Variants in HECTD2 observed in about 807,000 individuals in gnomAD.
HECTD2 encodes HECT domain E3 ubiquitin protein ligase 2, also known as probable E3 ubiquitin-protein ligase HECTD2.
In HECTD2, 35 loss-of-function variants were observed where a neutral mutation model predicts 103.2. The ratio of observed to expected loss-of-function variants is 0.34; its 90% CI spans 0.26 to 0.45. The LOEUF is 0.45. HECTD2 is among the 20% of genes least tolerant of loss of function. The pLI is 1.00. For missense variants in HECTD2, 596 were observed against 937.4 expected, an observed-to-expected ratio of 0.64 and a Z score of 4.76; for synonymous variants, 281 against 329.9, an observed-to-expected ratio of 0.85 and a Z score of 1.61.
At position 91,487,628 on chromosome 10, in the gene HECTD2, A is replaced by C; in HGVS notation, c.1095-54A>C. The C allele has an allele frequency of 9.1e-7, 1 of 1,097,504 alleles. No individual in the cohort carries two copies. The highest frequency in any genetic ancestry group is 1.4e-6 in the Non-Finnish European group (1 of 708,536). 68.0% of individuals were successfully genotyped at this position (1,097,504 alleles called of 1,614,324 possible). ...GGGGTACCTTAGATTCCCTTAGTAT[A>C]ATTTTGTTAAAAATACACCATTTTG... is the stretch of plus-strand genomic sequence containing the variant. On this transcript the variant is annotated intron_variant, in intron 10 of 20. Coordinates refer to ENST00000298068, the MANE Select transcript of HECTD2 (RefSeq NM_182765.6). This position sits in a 1 kb window ranked among gnomAD's most constrained non-coding sequence, Gnocchi z 4.1.
chr10:91,484,137 G>C (rs762955604), intron 8 of HECTD2: 2 of 527,668 alleles, frequency 3.8e-6, no homozygotes, highest in South Asian at 5.0e-5. Context: ...CATGTCAGGA[G>C]ACTAACATCT....
At chr10:91,491,172 A>G in intron 11 of HECTD2, 28 bp from the exon 12 acceptor site, 3 of 1,197,064 alleles carry the variant, frequency 2.5e-6, no homozygotes, top group East Asian at 2.4e-5. Flanking sequence ...AAGTAAAAGC[A>G]AAACTGTTTA....
chr10:91,480,076 C>T (rs1201394404), intron 6 of HECTD2, among the ~76,000 whole-genome samples: 2 of 151,914 alleles, frequency 1.3e-5, no homozygotes, highest in African/African-American at 4.8e-5. Flanking sequence ...AGTTACTAGA[C>T]TCAAAAAGAT....
At chr10:91,485,929 A>G (rs112258937) in intron 10 of HECTD2, 8 of 152,230 alleles carry the variant, frequency 5.3e-5, no homozygotes, top group African/African-American at 1.9e-4. Context: ...ACCACAGCTT[A>G]TTTATTATAA....
intron 14 of HECTD2, among the ~76,000 whole-genome samples, chr10:91,495,400 T>G (rs1364181939): frequency 6.6e-6 from 1 of 152,056 alleles, no homozygotes; most frequent in East Asian, 1.9e-4. Flanking sequence ...CTTAGCAAAT[T>G]GAAATTTTGG....
chr10:91,470,077 C>G (rs1360110239), intron 5 of HECTD2, among the ~76,000 whole-genome samples: 1 of 152,104 alleles, frequency 6.6e-6, no homozygotes, highest in Non-Finnish European at 1.5e-5. Context: ...AAAGGAACTT[C>G]TTAGAGATCT....
At chr10:91,457,989 T>G (rs1262911810) in intron 2 of HECTD2, among the ~76,000 whole-genome samples, 1 of 149,866 alleles carries the variant, frequency 6.7e-6, no homozygotes, top group African/African-American at 2.5e-5. Flanking sequence ...GAAATAAGAC[T>G]TTCCCTATTT....
chr10:91,417,770 G>A (rs1837013243), intron 1 of HECTD2, among the ~76,000 whole-genome samples: 4 of 151,952 alleles, frequency 2.6e-5, no homozygotes, highest in Non-Finnish European at 5.9e-5. Flanking sequence ...TATCATTGTT[G>A]GACATTTGGG....
At chr10:91,484,722 A>C in intron 9 of HECTD2, 67 bp downstream of exon 9, 1 of 1,269,032 alleles carries the variant, frequency 7.9e-7, no homozygotes, top group Non-Finnish European at 1.1e-6. Flanking sequence ...TTTCTTAAGG[A>C]TTTCAAAAGA....
intron 2 of HECTD2, among the ~76,000 whole-genome samples, chr10:91,425,699 A>G (rs1843531458): frequency 6.6e-6 from 1 of 151,108 alleles, no homozygotes; most frequent in South Asian, 2.1e-4. Context: ...AAATGTATGT[A>G]TACAAATATG....
Position 91,487,401 on chromosome 10 carries a change from A to T in HECTD2, c.1095-281A>T. 5.2e-6 allele frequency: 2 copies of T among 382,908 alleles called. No individual in the cohort carries two copies. Among genetic ancestry groups the T allele is most frequent in the South Asian group, 4.8e-5 (2 of 41,538 alleles). 23.7% of individuals were successfully genotyped at this position (382,908 alleles called of 1,614,324 possible). ...TGTTGTTCACAGGTGATGATATACA[A>T]TGAAATTATTTGTATAGACAATGTA... On this transcript the variant is annotated intron_variant, in intron 10 of 20. Coordinates refer to ENST00000298068, the MANE Select transcript of HECTD2 (RefSeq NM_182765.6). The surrounding 1 kb of genome is among the most constrained non-coding windows in gnomAD (Gnocchi z 4.1).
intron 5 of HECTD2, among the ~76,000 whole-genome samples, chr10:91,468,939 C>CAAA (rs375935105): frequency 0.013 from 1,297 of 98,346 alleles, 46 homozygotes; most frequent in African/African-American, 0.044. Context: ...CTGTCTCACT[C>CAAA]AAAAAAAAAA....
intron 2 of HECTD2, among the ~76,000 whole-genome samples, chr10:91,432,784 C>T (rs746996761): frequency 4.6e-5 from 7 of 151,800 alleles, no homozygotes; most frequent in African/African-American, 7.3e-5. Context: ...TTTAGTAGAA[C>T]CTTGATATGA....
rs1408944269 is a variant in HECTD2 at position 91,461,330 on chromosome 10, T to C, written c.484T>C (p.Phe162Leu). The part of the protein sequence containing the change: ...HDFYLTTFDS[F>L]PELNAAFKKD... ...TTTTTATCTAACAACGTTTGATTCTTTCCCAGAATTAAATGCTGCATTTAA... is the reference window on the plus strand; with the variant it reads ...TTTTTATCTAACAACGTTTGATTCTCTCCCAGAATTAAATGCTGCATTTAA... The change falls in exon 4 of 21, where the codon TTC becomes CTC. Residue 162 changes from phenylalanine (F) to leucine (L), a missense_variant. Physicochemically the swap from Phe to Leu is conservative, Grantham distance 22. Around this residue, in one of 4 missense-constraint regions of HECTD2, gnomAD observed 220 missense variants for 233.9 expected, o/e 0.94. Transcript: ENST00000298068. The C allele has an allele frequency of 2.0e-6, 3 of 1,525,458 alleles. No individual in the cohort carries two copies. The highest frequency in any genetic ancestry group is 2.7e-6 in the Non-Finnish European group (3 of 1,124,360). 94.5% of individuals were successfully genotyped at this position (1,525,458 alleles called of 1,614,324 possible). A position where few individuals can be genotyped will look rare whatever the true frequency, so the allele number is the denominator to read the frequency against.
intron 2 of HECTD2, among the ~76,000 whole-genome samples, chr10:91,430,922 A>C (rs1026399058): frequency 4.6e-5 from 7 of 151,202 alleles, no homozygotes; most frequent in African/African-American, 1.7e-4. Flanking sequence ...TCCTGTCATT[A>C]TGATGTTAGC....
intron 1 of HECTD2, among the ~76,000 whole-genome samples, chr10:91,414,332 C>T (rs1017032559): frequency 6.6e-6 from 1 of 151,968 alleles, no homozygotes; most frequent in African/African-American, 2.4e-5. Flanking sequence ...TAAGGTGTGT[C>T]GAGAGAATTT....
chr10:91,492,045 G>C (rs1173937278), intron 12 of HECTD2, among the ~76,000 whole-genome samples: 1 of 151,928 alleles, frequency 6.6e-6, no homozygotes, highest in Non-Finnish European at 1.5e-5. Context: ...AGCATTGAAG[G>C]GGAGTTTTTT....
intron 2 of HECTD2, among the ~76,000 whole-genome samples, chr10:91,445,798 C>T (rs1282189171): frequency 6.6e-6 from 1 of 152,042 alleles, no homozygotes; most frequent in Admixed American, 6.6e-5. Context: ...GAAATCCCTC[C>T]CCTAGCCAAG....
intron 11 of HECTD2, chr10:91,489,986 G>A (rs1435180307): frequency 6.6e-6 from 1 of 152,154 alleles, no homozygotes; most frequent in Non-Finnish European, 1.5e-5. Flanking sequence ...ATATAAGCCT[G>A]TGGATTTTAT....
Sources: gnomAD v4.1 joint callset for allele counts (sites outside exome capture counted in the v4.1 genomes callset) on GRCh38, gnomAD v4.1.1 for gene constraint, gnomAD v4.1.1 regional missense constraint, Gnocchi (gnomAD v3.1) non-coding constraint, MANE v1.5 for transcripts, NCBI Gene and HGNC (gene_info 2026-07-23, HGNC 2026-07-21) for gene names.